The following DAGLB variants were observed in gnomAD, a reference collection of about 807,000 sequenced individuals.
The protein encoded by DAGLB is diacylglycerol lipase-beta.
DAGLB carries 66 observed loss-of-function variants against 72.1 expected under a neutral mutation model. That is an observed-to-expected ratio of 0.92 (90% CI 0.75 to 1.12). The LOEUF (loss-of-function observed/expected upper bound fraction) is 1.12, where lower values mean the gene tolerates loss of function less well. Among genes scored for constraint, DAGLB ranks in the 50% most tolerant of loss-of-function variants. The probability of loss-of-function intolerance (pLI) is 0.00; values close to 1 mark genes in which losing one functional copy is unlikely to be tolerated. For missense variants in DAGLB, 1,065 were observed against 884.9 expected, an observed-to-expected ratio of 1.20 and a Z score of -2.58; for synonymous variants, 414 against 359.5, an observed-to-expected ratio of 1.15 and a Z score of -1.71.
At chr7:6,438,829 G>A (rs1482690270) in intron 2 of DAGLB, among the ~76,000 whole-genome samples, 1 of 152,062 alleles carries the variant, frequency 6.6e-6, no homozygotes, top group East Asian at 1.9e-4. Context: ...GGAACACAGA[G>A]AGACCTCATC....
rs759412322 is a variant in DAGLB at position 6,416,910 on chromosome 7, T to C, written c.1230A>G (p.Gln410=). 2 of 1,614,048 alleles carry C rather than the reference T, an allele frequency of 1.2e-6. No homozygotes were observed. The highest frequency in any genetic ancestry group is 1.3e-5 in the African/African-American group (1 of 74,926). The change falls in exon 10 of 15, where the codon CAA becomes CAG. Residue 410 remains glutamine, a synonymous_variant. Coordinates refer to ENST00000297056, the MANE Select transcript of DAGLB (RefSeq NM_139179.4). ...GTCGTTGGTAAACGTATCTGGCAGC[T>C]TGAGAAATACCCTAAAAACACAGAC... ...QDRLAHKGIS[Q]AARYVYQRLI... is the part of the protein sequence containing the mutation.
intron 5 of DAGLB, 92 bp downstream of exon 5, chr7:6,432,745 G>C: frequency 7.0e-7 from 1 of 1,438,650 alleles, no homozygotes; most frequent in Non-Finnish European, 9.1e-7. Flanking sequence ...AAGGAAGGGA[G>C]GAAGAAATTG....
intron 8 of DAGLB, among the ~76,000 whole-genome samples, chr7:6,424,434 C>A (rs1028915868): frequency 6.6e-6 from 1 of 152,260 alleles, no homozygotes; most frequent in East Asian, 1.9e-4. Flanking sequence ...CCCGGGAGGG[C>A]TCCCGGGTGT....
rs368616171 is a variant in DAGLB at position 6,430,652 on chromosome 7, G to T, written c.802-45C>A. On this transcript the variant is annotated intron_variant, in intron 5 of 14. Coordinates refer to ENST00000297056, the MANE Select transcript of DAGLB (RefSeq NM_139179.4). ...ACTACTGTTTATTAAGGGAACTCCT[G>T]ACACAGAGGATCAACACACTGAGAC... 3 of 1,486,912 alleles carry T rather than the reference G, an allele frequency of 2.0e-6. No individual in the cohort carries two copies. The South Asian group carries it at 4.1e-5, about 21-fold the overall frequency. 92.1% of individuals were successfully genotyped at this position (1,486,912 alleles called of 1,614,324 possible).
chr7:6,416,857 G>T lies in DAGLB; in HGVS notation c.1283C>A (p.Ala428Asp). 1 of 1,614,242 alleles carries T rather than the reference G, an allele frequency of 6.2e-7. No individual in the cohort carries two copies. Among genetic ancestry groups the T allele is most frequent in the Non-Finnish European group, 8.5e-7 (1 of 1,180,048 alleles). ...AGATCTCACAGGAGCAATGCTGAAG[G>T]CTTGGCTCAAAATCCCGTCGTTGAT... ...RLINDGILSQ[A>D]FSIAPEYRLV... The change falls in exon 10 of 15, where the codon GCC (alanine) becomes GAC (aspartate). Residue 428 changes from alanine (A) to aspartate (D), a missense_variant. Transcript: ENST00000297056.
chr7:6,446,852 T>C (rs774757901), intron 1 of DAGLB, among the ~76,000 whole-genome samples: 92 of 151,872 alleles, frequency 6.1e-4, no homozygotes, highest in Non-Finnish European at 8.7e-4. Context: ...CTACAAAAAA[T>C]AGAAAAAGTT....
chr7:6,435,107 T>A, intron 3 of DAGLB, 87 bp from the exon 4 acceptor site: 15 of 1,551,626 alleles, frequency 9.7e-6, no homozygotes, highest in Non-Finnish European at 1.3e-5. Context: ...AGGTTCAGTT[T>A]CTGAGTCTCT....
chr7:6,413,099 A>G (rs1783786415), intron 11 of DAGLB, 65 bp from the exon 12 acceptor site: 1 of 1,547,798 alleles, frequency 6.5e-7, no homozygotes, highest in African/African-American at 1.4e-5. Context: ...GGCTTCCATG[A>G]AAGAAATCAG....
At chr7:6,426,146 A>G in intron 6 of DAGLB, 32 bp from the exon 7 acceptor site, 1 of 1,610,884 alleles carries the variant, frequency 6.2e-7, no homozygotes, top group African/African-American at 1.3e-5. Flanking sequence ...TACTATGCCG[A>G]ACAGAGCCAC....
chr7:6,432,319 G>A (rs550038701), intron 5 of DAGLB, among the ~76,000 whole-genome samples: 1 of 149,948 alleles, frequency 6.7e-6, no homozygotes, highest in Non-Finnish European at 1.5e-5. Flanking sequence ...ACTCCAGCCC[G>A]AGCAACAAGA....
At chr7:6,421,975 T>A in intron 8 of DAGLB, 171 bp from the exon 9 acceptor site, 1 of 754,940 alleles carries the variant, frequency 1.3e-6, no homozygotes, top group Non-Finnish European at 2.3e-6. Context: ...CAGCGGTGGC[T>A]CCTGAGGGCC....
At chr7:6,429,168 A>G (rs78356203) in intron 6 of DAGLB, among the ~76,000 whole-genome samples, 49 of 152,218 alleles carry the variant, frequency 3.2e-4, no homozygotes, top group African/African-American at 1.2e-3. Context: ...AATCAATGTT[A>G]ATATAACCAG....
chr7:6,446,745 A>C (rs1043492526), intron 1 of DAGLB, among the ~76,000 whole-genome samples: 2 of 151,190 alleles, frequency 1.3e-5, no homozygotes, highest in African/African-American at 4.8e-5. Flanking sequence ...ACGGCGGCTC[A>C]CGTCTGTAAT....
intron 13 of DAGLB, among the ~76,000 whole-genome samples, chr7:6,411,829 C>T (rs1376051607): frequency 6.6e-6 from 1 of 152,124 alleles, no homozygotes; most frequent in Non-Finnish European, 1.5e-5. Flanking sequence ...ATCTCCTTGT[C>T]CCCACTCTCT....
At chr7:6,430,982 G>T (rs1324804522) in intron 5 of DAGLB, among the ~76,000 whole-genome samples, 2 of 151,960 alleles carry the variant, frequency 1.3e-5, no homozygotes, top group Non-Finnish European at 2.9e-5. Flanking sequence ...CACCATGTTG[G>T]CCAGGCTGGT....
intron 8 of DAGLB, among the ~76,000 whole-genome samples, chr7:6,424,132 G>A (rs549311166): frequency 2.0e-5 from 3 of 152,228 alleles, no homozygotes; most frequent in Non-Finnish European, 4.4e-5. Flanking sequence ...AGAACGGGAA[G>A]TGAGACTGAG....
At chr7:6,414,111 C>T (rs761699659) in intron 11 of DAGLB, among the ~76,000 whole-genome samples, 2 of 151,610 alleles carry the variant, frequency 1.3e-5, no homozygotes, top group African/African-American at 2.4e-5. Flanking sequence ...CCCAGGTTCA[C>T]GCCATTCTCC....
At chr7:6,424,354 G>A (rs1236301397) in intron 8 of DAGLB, among the ~76,000 whole-genome samples, 1 of 152,166 alleles carries the variant, frequency 6.6e-6, no homozygotes, top group Non-Finnish European at 1.5e-5. Flanking sequence ...AGCGGGGCTG[G>A]TGGCCAGGGG....
chr7:6,445,860 GA>G, intron 2 of DAGLB, 92 bp downstream of exon 2: 1 of 1,367,126 alleles, frequency 7.3e-7, no homozygotes, highest in Non-Finnish European at 9.8e-7. Context: ...TGTTGAATTG[GA>G]AAGTTTACAG....
Sources: gnomAD v4.1 joint callset for allele counts (sites outside exome capture counted in the v4.1 genomes callset) on GRCh38, gnomAD v4.1.1 for gene constraint, MANE v1.5 for transcripts, NCBI Gene and HGNC (gene_info 2026-07-23, HGNC 2026-07-21) for gene names.